Variants in KCNT2 observed in about 807,000 individuals in gnomAD.
The protein encoded by KCNT2 is potassium channel subfamily T member 2.
KCNT2 carries 67 observed loss-of-function variants against 153.8 expected under a neutral mutation model. The ratio of observed to expected loss-of-function variants is 0.44; its 90% CI spans 0.36 to 0.53. The LOEUF (loss-of-function observed/expected upper bound fraction) is 0.53. KCNT2 is among the 20% of genes least tolerant of loss of function. The probability of loss-of-function intolerance (pLI) is 0.00; values close to 1 mark genes in which losing one functional copy is unlikely to be tolerated. For missense variants in KCNT2, 975 were observed against 1,354.8 expected, an observed-to-expected ratio of 0.72 and a Z score of 4.40; for synonymous variants, 500 against 458.8, an observed-to-expected ratio of 1.09 and a Z score of -1.15.
chr1:196,315,852 C>T, intron 21 of KCNT2, 40 bp downstream of exon 21: 1 of 1,560,754 alleles, frequency 6.4e-7, no homozygotes, highest in Non-Finnish European at 8.7e-7. Context: ...CAATGTTTAG[C>T]ACAAAGTAAG....
At chr1:196,378,225 A>G (rs922903094) in intron 13 of KCNT2, among the ~76,000 whole-genome samples, 14 of 152,136 alleles carry the variant, frequency 9.2e-5, no homozygotes, top group African/African-American at 3.4e-4. Context: ...ACCAATGACT[A>G]CTGTGCATTT....
intron 1 of KCNT2, among the ~76,000 whole-genome samples, chr1:196,563,831 A>G (rs1406903747): frequency 6.6e-6 from 1 of 151,996 alleles, no homozygotes; most frequent in African/African-American, 2.4e-5. Context: ...TAATAAAAGT[A>G]TCAAGAAAGT....
At chr1:196,349,953 T>C (rs1482782599) in intron 14 of KCNT2, among the ~76,000 whole-genome samples, 1 of 151,632 alleles carries the variant, frequency 6.6e-6, no homozygotes, top group Non-Finnish European at 1.5e-5. Flanking sequence ...TGAGAACGTG[T>C]GGTATTTGGT....
At chr1:196,296,685 C>G (rs113186136) in intron 22 of KCNT2, among the ~76,000 whole-genome samples, 2 of 152,034 alleles carry the variant, frequency 1.3e-5, no homozygotes, top group African/African-American at 4.8e-5. Context: ...AAATAAGTGT[C>G]CATTTTCCCA....
intron 5 of KCNT2, among the ~76,000 whole-genome samples, chr1:196,475,526 C>T (rs1417856801): frequency 1.3e-5 from 2 of 151,696 alleles, no homozygotes; most frequent in Non-Finnish European, 2.9e-5. Context: ...GAGGGTGAGG[C>T]GAGCGGATCT....
chr1:196,524,670 A>G (rs939898564), intron 1 of KCNT2, among the ~76,000 whole-genome samples: 4 of 152,318 alleles, frequency 2.6e-5, no homozygotes, highest in South Asian at 2.1e-4. Flanking sequence ...TTTTGTGTTA[A>G]GGAAAATCTT....
At chr1:196,404,620 G>C (rs1182016272) in intron 12 of KCNT2, among the ~76,000 whole-genome samples, 1 of 151,364 alleles carries the variant, frequency 6.6e-6, no homozygotes, top group Non-Finnish European at 1.5e-5. Context: ...CACTTATCTA[G>C]GAAGCCTTTT....
chr1:196,423,194 T>A (rs1673358647), intron 11 of KCNT2, 81 bp from the exon 12 acceptor site: 3 of 881,090 alleles, frequency 3.4e-6, no homozygotes, highest in African/African-American at 3.4e-5. Context: ...CAGTCTTGAG[T>A]CCATATATTG....
At chr1:196,602,033 A>T (rs867802122) in intron 1 of KCNT2, among the ~76,000 whole-genome samples, 16 of 152,078 alleles carry the variant, frequency 1.1e-4, no homozygotes, top group African/African-American at 3.4e-4. Flanking sequence ...ATGACCCATT[A>T]AAAAAAATCC....
chr1:196,340,331 T>C lies in KCNT2; in HGVS notation c.1783+10A>G. The C allele has an allele frequency of 6.9e-7, 1 of 1,453,614 alleles. No homozygotes were observed. Among genetic ancestry groups the C allele is most frequent in the Non-Finnish European group, 9.4e-7 (1 of 1,067,004 alleles). The allele number at this position is 1,453,614 out of a possible 1,614,324, so 90.0% of individuals were successfully genotyped here. On this transcript the variant is annotated intron_variant, in intron 16 of 27. Transcript: ENST00000294725. ...TAAATTAATGATATTTCAAATTTGT[T>C]TATACTTACCCATGCTGGCAATTAT...
rs556000744 is a variant in KCNT2, at chr1:196,411,145, C to T, written c.1185+11905G>A. ...TCCTCCCTTCTTTCCTACCTCCCTT[C>T]CTTCCTTCTTTTTTTCCTTCTGTTG... On this transcript the variant is annotated intron_variant, in intron 12 of 27. Coordinates refer to ENST00000294725, the MANE Select transcript of KCNT2 (RefSeq NM_198503.5). Among the ~76,000 whole-genome samples, 6 of 146,518 alleles carry T rather than the reference C, an allele frequency of 4.1e-5. No individual in the cohort carries two copies. The Admixed American group carries it at 4.2e-4, about 10-fold the overall frequency.
chr1:196,422,811 T>C (rs760774905), intron 12 of KCNT2, among the ~76,000 whole-genome samples: 1 of 151,992 alleles, frequency 6.6e-6, no homozygotes, highest in Non-Finnish European at 1.5e-5. Flanking sequence ...TTATATATGA[T>C]TCATTTTGAT....
intron 1 of KCNT2, among the ~76,000 whole-genome samples, chr1:196,563,035 T>G (rs1659628835): frequency 6.6e-6 from 1 of 151,986 alleles, no homozygotes; most frequent in Admixed American, 6.6e-5. Flanking sequence ...CATCCAGGAC[T>G]TGAGCACTAC....
intron 13 of KCNT2, among the ~76,000 whole-genome samples, chr1:196,384,268 A>G (rs1669757100): frequency 6.6e-6 from 1 of 152,164 alleles, no homozygotes; most frequent in African/African-American, 2.4e-5. Flanking sequence ...CATAACAAGT[A>G]AAGTTTTGTT....
intron 22 of KCNT2, among the ~76,000 whole-genome samples, chr1:196,294,913 G>A (rs897585809): frequency 1.3e-5 from 2 of 151,734 alleles, no homozygotes; most frequent in Admixed American, 1.3e-4. Context: ...AAGGGCATAA[G>A]GGGATGTTGA....
At chr1:196,561,649 T>C (rs1659400885) in intron 1 of KCNT2, among the ~76,000 whole-genome samples, 1 of 3,538 alleles carries the variant, frequency 2.8e-4, no homozygotes, top group Non-Finnish European at 1.0e-3. Context: ...CGAGACTTCA[T>C]CTCAAAAAAA....
At chr1:196,361,891 TTG>T (rs916968748) in intron 14 of KCNT2, among the ~76,000 whole-genome samples, 1 of 136,228 alleles carries the variant, frequency 7.3e-6, no homozygotes, top group Non-Finnish European at 1.6e-5. Context: ...AGACTTTAAA[TTG>T]TGTGTGTGTT....
chr1:196,315,866 C>A, intron 21 of KCNT2, 26 bp downstream of exon 21: 2 of 1,584,796 alleles, frequency 1.3e-6, no homozygotes, highest in Admixed American at 1.8e-5. Context: ...AAGTAAGTGG[C>A]AAGGTTGGAT....
Position 196,489,855 on chromosome 1 carries a change from A to T in KCNT2, c.258T>A (p.Pro86=). Reference sequence around the variant, plus strand: ...TACCTTACCATTCATTTCCTTGTGAAGGGTTTTCTAGTAGTACTCGGATTA... The same window carrying T: ...TACCTTACCATTCATTTCCTTGTGATGGGTTTTCTAGTAGTACTCGGATTA... The part of the protein sequence containing the change: ...LYIIRVLLEN[P]SQGNEWSHIF... Residue 86 remains proline, a synonymous_variant, in exon 3 of 28, where the codon CCT becomes CCA. Transcript: ENST00000294725. 6.4e-7 allele frequency: 1 copy of T among 1,559,786 alleles called. No individual in the cohort carries two copies. Among genetic ancestry groups the T allele is most frequent in the Non-Finnish European group, 8.7e-7 (1 of 1,148,592 alleles).
Sources: gnomAD v4.1 joint callset for allele counts (sites outside exome capture counted in the v4.1 genomes callset) on GRCh38, gnomAD v4.1.1 for gene constraint, MANE v1.5 for transcripts, NCBI Gene and HGNC (gene_info 2026-07-23, HGNC 2026-07-21) for gene names.